Variants in PHACTR1 observed in about 807,000 individuals in gnomAD.
PHACTR1 encodes the protein RPEL repeat containing 1.
A neutral mutation model predicts 69.2 loss-of-function variants in PHACTR1; 16 were observed. That is an observed-to-expected ratio of 0.23 (90% CI 0.16 to 0.35). PHACTR1 has a LOEUF of 0.35. PHACTR1 is among the 10% of genes least tolerant of loss of function. The pLI is 1.00. For missense variants in PHACTR1, 510 were observed against 734.7 expected (o/e 0.69, Z 3.54); for synonymous variants, 312 against 284.5 (o/e 1.10, Z -0.97).
intron 5 of PHACTR1, among the ~76,000 whole-genome samples, chr6:13,105,469 TCC>T (rs1215235093): frequency 6.6e-6 from 1 of 151,954 alleles, no homozygotes; most frequent in Non-Finnish European, 1.5e-5. Context: ...AAAGGTTTTT[TCC>T]CCCCTTTAAT....
chr6:12,906,223 T>TGC lies in PHACTR1; in HGVS notation c.251-147142_251-147141insGC, dbSNP rs1453537132. 8.2e-4 allele frequency among the ~76,000 whole-genome samples: 125 copies of TGC among 152,360 alleles called. No homozygotes were observed. In the Middle Eastern group the frequency reaches 0.017, roughly 21 times the overall value. On this transcript the variant is annotated intron_variant, in intron 4 of 14. Coordinates refer to ENST00000332995, the MANE Select transcript of PHACTR1 (RefSeq NM_030948.6). ...CTTCTTATGCTCAGTGGCATTCGACTATAGAATTACTGCAATCTAGGGATT... is the reference window on the plus strand; with the variant it reads ...CTTCTTATGCTCAGTGGCATTCGACTGCATAGAATTACTGCAATCTAGGGATT...
intron 4 of PHACTR1, among the ~76,000 whole-genome samples, chr6:13,014,508 C>T (rs1290085582): frequency 6.6e-6 from 1 of 152,176 alleles, no homozygotes; most frequent in African/African-American, 2.4e-5. Flanking sequence ...GCCCCGTCCT[C>T]CTATTATGAT....
At chr6:12,721,843 C>T (rs573379731) in intron 3 of PHACTR1, among the ~76,000 whole-genome samples, 1 of 152,336 alleles carries the variant, frequency 6.6e-6, no homozygotes, top group East Asian at 1.9e-4. Context: ...TGGGTGAAGG[C>T]CTGAGTACCA....
intron 5 of PHACTR1, among the ~76,000 whole-genome samples, chr6:13,089,214 C>T (rs1015312991): frequency 2.6e-5 from 4 of 152,168 alleles, no homozygotes; most frequent in African/African-American, 4.8e-5. Context: ...ACAAGAAGCC[C>T]CTGGGGCACA....
At chr6:12,758,903 A>G (rs1767689202) in intron 4 of PHACTR1, among the ~76,000 whole-genome samples, 1 of 151,912 alleles carries the variant, frequency 6.6e-6, no homozygotes, top group South Asian at 2.1e-4. Flanking sequence ...CGGGTGGATC[A>G]CTTGAGGTCA....
chr6:13,008,638 AAAC>A (rs967573877), intron 4 of PHACTR1, among the ~76,000 whole-genome samples: 5 of 152,178 alleles, frequency 3.3e-5, no homozygotes, highest in African/African-American at 4.8e-5. Flanking sequence ...AATACCCCCA[AAAC>A]AACAACAACA....
intron 5 of PHACTR1, among the ~76,000 whole-genome samples, chr6:13,156,564 C>T (rs1391174168): frequency 6.6e-6 from 1 of 152,172 alleles, no homozygotes; most frequent in Non-Finnish European, 1.5e-5. Context: ...AGCACTGGTG[C>T]GTGAAAGCAT....
chr6:13,251,700 C>T (rs1010769388), intron 10 of PHACTR1, among the ~76,000 whole-genome samples: 24 of 152,272 alleles, frequency 1.6e-4, no homozygotes, highest in African/African-American at 4.6e-4. Flanking sequence ...CTTTGAGTCT[C>T]CTATTTGAAA....
intron 5 of PHACTR1, among the ~76,000 whole-genome samples, chr6:13,058,454 T>G (rs1423939063): frequency 6.6e-6 from 1 of 152,156 alleles, no homozygotes; most frequent in Non-Finnish European, 1.5e-5. Context: ...TGAAAAACTT[T>G]TACTGAGTGT....
intron 7 of PHACTR1, chr6:13,185,087 G>A: frequency 5.4e-6 from 6 of 1,117,668 alleles, no homozygotes; most frequent in Non-Finnish European, 7.0e-6. Flanking sequence ...TTGAACTGAG[G>A]CCTGAAGGCA....
intron 4 of PHACTR1, among the ~76,000 whole-genome samples, chr6:12,824,422 G>A (rs888571361): frequency 4.6e-5 from 7 of 152,268 alleles, no homozygotes; most frequent in South Asian, 2.1e-4. Flanking sequence ...ACCCTGGTCC[G>A]TGGAAAAATT....
Position 12,762,855 on chromosome 6 carries a change from A to G in PHACTR1, c.250+13065A>G, listed in dbSNP as rs183841644. ...GAACATTTAAATTTCTAGGAATAAA[A>G]GATTTGCCCTTGTTTCTCTTGACTG... On this transcript the variant is annotated intron_variant, in intron 4 of 14. Transcript: ENST00000332995. 3.4e-3 allele frequency among the ~76,000 whole-genome samples: 511 copies of G among 152,332 alleles called. 3 individuals carry two copies. The highest frequency in any genetic ancestry group is 0.012 in the African/African-American group (493 of 41,570).
At chr6:12,811,479 G>A (rs1775004066) in intron 4 of PHACTR1, among the ~76,000 whole-genome samples, 3 of 152,248 alleles carry the variant, frequency 2.0e-5, no homozygotes, top group Admixed American at 6.5e-5. Flanking sequence ...ACACGGTAGT[G>A]GTTACTAGGG....
At chr6:12,926,780 G>A (rs1262941240) in intron 4 of PHACTR1, among the ~76,000 whole-genome samples, 1 of 152,210 alleles carries the variant, frequency 6.6e-6, no homozygotes, top group East Asian at 1.9e-4. Flanking sequence ...ATCTAGCAGA[G>A]GCTATGCTCC....
chr6:13,193,807 G>T (rs933525507), intron 7 of PHACTR1, among the ~76,000 whole-genome samples: 4 of 152,034 alleles, frequency 2.6e-5, no homozygotes, highest in African/African-American at 7.2e-5. Flanking sequence ...TGGTGACTTT[G>T]ATTTGATTCC....
At chr6:12,787,094 A>C (rs13211722) in intron 4 of PHACTR1, among the ~76,000 whole-genome samples, 10,209 of 152,300 alleles carry the variant, frequency 0.067, 381 homozygotes, top group Middle Eastern at 0.11. Context: ...ATTTGAATGG[A>C]AAGTTCTTAT....
intron 4 of PHACTR1, among the ~76,000 whole-genome samples, chr6:12,801,748 C>T (rs1217844008): frequency 6.6e-6 from 1 of 152,106 alleles, no homozygotes; most frequent in East Asian, 1.9e-4. Flanking sequence ...GCAAGAAAAA[C>T]TGTCTGCAAA....
At chr6:13,153,614 C>T (rs1170518643) in intron 5 of PHACTR1, among the ~76,000 whole-genome samples, 1 of 152,126 alleles carries the variant, frequency 6.6e-6, no homozygotes, top group Non-Finnish European at 1.5e-5. Context: ...TTTGGTGTTT[C>T]AGTTGCCAGC....
chr6:13,279,031 C>CTTTTTTTTTTTTTTTTTTTTTTTTT (rs5874408), intron 12 of PHACTR1, among the ~76,000 whole-genome samples: 1 of 139,216 alleles, frequency 7.2e-6, no homozygotes, highest in Non-Finnish European at 1.5e-5. Flanking sequence ...AAAGTATAGA[C>CTTTTTTTTTTTTTTTTTTTTTTTTT]TTTTTTTTTT....
Sources: allele counts gnomAD v4.1 joint callset (sites outside exome capture counted in the v4.1 genomes callset), GRCh38; gene constraint gnomAD v4.1.1; transcripts MANE v1.5; gene names NCBI Gene and HGNC (gene_info 2026-07-23, HGNC 2026-07-21).